DAW1: variants seen among roughly 807,000 people sequenced by gnomAD.
DAW1 encodes the protein dynein assembly factor with WD repeats 1, also known as dynein assembly factor with WD repeat domains 1.
In DAW1, 47 loss-of-function variants were observed where a neutral mutation model predicts 56.5. The ratio of observed to expected loss-of-function variants is 0.83; its 90% confidence interval spans 0.66 to 1.06. The LOEUF is 1.06. Ranked by LOEUF, DAW1 falls within the 50% of genes least tolerant of loss-of-function variation. DAW1 has a pLI of 0.00. For missense variants in DAW1, 505 were observed against 499.3 expected, an observed-to-expected ratio of 1.01 and a Z score of -0.11; for synonymous variants, 190 against 179.0, an observed-to-expected ratio of 1.06 and a Z score of -0.49.
intron 6 of DAW1, among the ~76,000 whole-genome samples, chr2:227,901,727 A>C (rs1426410288): frequency 1.3e-5 from 2 of 152,202 alleles, no homozygotes; most frequent in Non-Finnish European, 2.9e-5. Context: ...TTGACGAGTG[A>C]GCAGAAGATG....
intron 10 of DAW1, among the ~76,000 whole-genome samples, chr2:227,907,453 C>T (rs145672758): frequency 2.0e-5 from 3 of 152,264 alleles, no homozygotes; most frequent in African/African-American, 7.2e-5. Context: ...TATGCAATGT[C>T]TGTGTCACCT....
rs561596159 is a variant in DAW1, at chr2:227,871,769, C to T, written c.40+40C>T. ...GGCCCCGTCATCCCCACGTGGGACC[C>T]TGGGCTCCCAGACTGGGAGGGTTTG... On this transcript the variant is annotated intron_variant, in intron 1 of 12. Transcript: ENST00000309931. 188 of 1,612,310 alleles carry T rather than the reference C, an allele frequency of 1.2e-4. 3 individuals carry two copies. In the South Asian group the frequency reaches 1.7e-3, roughly 14 times the overall value.
intron 1 of DAW1, among the ~76,000 whole-genome samples, chr2:227,875,790 C>T (rs748595233): frequency 2.0e-5 from 3 of 152,078 alleles, no homozygotes; most frequent in East Asian, 1.9e-4. Flanking sequence ...TTCTTTCCCA[C>T]GAGAATAAAA....
chr2:227,884,536 C>A (rs149167576), intron 1 of DAW1, among the ~76,000 whole-genome samples: 240 of 152,290 alleles, frequency 1.6e-3, no homozygotes, highest in Non-Finnish European at 2.6e-3. Context: ...TAGGCTCTTG[C>A]AATGTTACTG....
At chr2:227,896,988 T>C (rs922810857) in intron 5 of DAW1, among the ~76,000 whole-genome samples, 1 of 149,872 alleles carries the variant, frequency 6.7e-6, no homozygotes, top group African/African-American at 2.5e-5. Context: ...TGGGAGGCTG[T>C]GGTAGGAGGA....
At chr2:227,914,008 CTCTT>C (rs1167671463) in intron 10 of DAW1, among the ~76,000 whole-genome samples, 1 of 151,126 alleles carries the variant, frequency 6.6e-6, no homozygotes, top group Non-Finnish European at 1.5e-5. Context: ...CTCTCTCTCT[CTCTT>C]TCTTTACATT....
intron 4 of DAW1, among the ~76,000 whole-genome samples, chr2:227,892,812 T>C (rs969080711): frequency 6.6e-6 from 1 of 152,208 alleles, no homozygotes; most frequent in Non-Finnish European, 1.5e-5. Flanking sequence ...ATTTTTGTTA[T>C]ACTTTTGAAG....
intron 3 of DAW1, 112 bp from the exon 4 acceptor site, chr2:227,891,143 C>T (rs1052156709): frequency 2.2e-5 from 20 of 889,376 alleles, no homozygotes; most frequent in South Asian, 1.6e-5. Context: ...CAGATATTGC[C>T]TGTTTCTGAT....
chr2:227,911,258 G>A (rs139550624), intron 10 of DAW1, among the ~76,000 whole-genome samples: 2,102 of 139,896 alleles, frequency 0.015, 137 homozygotes, highest in African/African-American at 0.055. Context: ...ATATATACAC[G>A]TGTATATACA....
chr2:227,917,138 ATCTATCTGTCTG>A lies in DAW1; in HGVS notation c.974-1638_974-1627del, dbSNP rs1472418859. Among the ~76,000 whole-genome samples, 285 of 98,122 alleles carry A rather than the reference ATCTATCTGTCTG, an allele frequency of 2.9e-3. 2 individuals are homozygous for A. The highest frequency in any genetic ancestry group is 6.0e-3 in the African/African-American group (146 of 24,178). 64.4% of individuals were successfully genotyped at this position (98,122 alleles called of 152,430 possible). ...TATCTATCTATCTATCTATCTATCTATCTATCTGTCTGTCTGTCTGTCTGTCTGTCTGTCTGT... is the reference window on the plus strand; with the variant it reads ...TATCTATCTATCTATCTATCTATCTATCTGTCTGTCTGTCTGTCTGTCTGT... On this transcript the variant is annotated intron_variant, in intron 10 of 12. Transcript: ENST00000309931.
In DAW1 at chr2:227,903,089, G is replaced by A. The variant is rs367599852; in HGVS notation, c.628G>A (p.Glu210Lys). ...TAKLWDIQNG[E>K]EVYTLRGHSA... ...CAAATTGTGGGACATTCAGAATGGC[G>A]AGGAAGTTTACACCTTAAGAGTATG... The change falls in exon 7 of 13, where the codon GAG (glutamate) becomes AAG (lysine). Residue 210 changes from glutamate to lysine, a missense_variant. By Grantham distance (56) the Glu-to-Lys change is moderately conservative (BLOSUM62 1). Coordinates refer to ENST00000309931, the MANE Select transcript of DAW1 (RefSeq NM_178821.3). The A allele has an allele frequency of 1.9e-5, 30 of 1,614,014 alleles. No homozygotes were observed. The highest frequency in any genetic ancestry group is 1.6e-4 in the Middle Eastern group (1 of 6,084).
chr2:227,873,724 G>C (rs1199511404), intron 1 of DAW1, among the ~76,000 whole-genome samples: 1 of 151,998 alleles, frequency 6.6e-6, no homozygotes, highest in Non-Finnish European at 1.5e-5. Flanking sequence ...ACAGAGTCTT[G>C]CTCTGTCACC....
chr2:227,888,080 A>G (rs147926556), intron 2 of DAW1, among the ~76,000 whole-genome samples: 4 of 152,326 alleles, frequency 2.6e-5, no homozygotes, highest in African/African-American at 9.6e-5. Context: ...AGTTATTATT[A>G]TGGATGGTTC....
At chr2:227,905,142 C>A in intron 8 of DAW1, 107 bp downstream of exon 8, 1 of 767,184 alleles carries the variant, frequency 1.3e-6, no homozygotes, top group Non-Finnish European at 2.0e-6. Flanking sequence ...CTTTGGATTC[C>A]ATAAAAATAG....
intron 6 of DAW1, among the ~76,000 whole-genome samples, chr2:227,898,954 T>A (rs1691474420): frequency 6.6e-6 from 1 of 152,238 alleles, no homozygotes; most frequent in Non-Finnish European, 1.5e-5. Context: ...TAAACTACTA[T>A]GTGAAATATT....
At chr2:227,884,520 G>A (rs1691077809) in intron 1 of DAW1, among the ~76,000 whole-genome samples, 1 of 152,316 alleles carries the variant, frequency 6.6e-6, no homozygotes, top group East Asian at 1.9e-4. Context: ...GGTGTCTGTA[G>A]TTTCCTAGGC....
At chr2:227,875,870 T>G (rs1690868542) in intron 1 of DAW1, among the ~76,000 whole-genome samples, 1 of 152,214 alleles carries the variant, frequency 6.6e-6, no homozygotes, top group African/African-American at 2.4e-5. Flanking sequence ...GAGAGCCTGG[T>G]GCATAAAATG....
intron 10 of DAW1, among the ~76,000 whole-genome samples, chr2:227,913,913 GTCTGTCTA>G (rs1207548864): frequency 1.9e-5 from 2 of 106,894 alleles, no homozygotes; most frequent in African/African-American, 3.4e-5. Flanking sequence ...CTGTCTGTCT[GTCTGTCTA>G]TCTATCTTCA....
intron 12 of DAW1, among the ~76,000 whole-genome samples, chr2:227,922,458 C>T (rs890443738): frequency 6.6e-6 from 1 of 152,128 alleles, no homozygotes; most frequent in Non-Finnish European, 1.5e-5. Context: ...CGAGGGGAGG[C>T]CTTGGCAGGG....
Sources: gnomAD v4.1 joint callset for allele counts (sites outside exome capture counted in the v4.1 genomes callset) on GRCh38, gnomAD v4.1.1 for gene constraint, MANE v1.5 for transcripts, NCBI Gene and HGNC (gene_info 2026-07-23, HGNC 2026-07-21) for gene names.